The following GALNTL6 variants were observed in gnomAD, a reference collection of about 807,000 sequenced individuals.
The protein encoded by GALNTL6 is polypeptide N-acetylgalactosaminyltransferase like 6.
Under a neutral mutation model 73.7 loss-of-function variants are expected in GALNTL6, and 46 were observed. That is an observed-to-expected ratio of 0.62 (90% CI 0.49 to 0.80). The LOEUF (loss-of-function observed/expected upper bound fraction) is 0.80, where lower values mean the gene tolerates loss of function less well. Among genes scored for constraint, GALNTL6 ranks in the 30% least tolerant of loss-of-function variants. The probability of loss-of-function intolerance (pLI) is 0.00; values close to 1 mark genes in which losing one functional copy is unlikely to be tolerated. For missense variants in GALNTL6, 604 were observed against 755.0 expected, an observed-to-expected ratio of 0.80 and a Z score of 2.34; for synonymous variants, 259 against 263.7, an observed-to-expected ratio of 0.98 and a Z score of 0.17.
At chr4:172,295,063 A>G (rs1486925944) in intron 3 of GALNTL6, among the ~76,000 whole-genome samples, 1 of 152,168 alleles carries the variant, frequency 6.6e-6, no homozygotes, top group Non-Finnish European at 1.5e-5. Context: ...AATATTACAT[A>G]GTGCTTTCGT....
intron 2 of GALNTL6, among the ~76,000 whole-genome samples, chr4:172,117,055 T>C (rs1279332737): frequency 1.3e-5 from 2 of 152,174 alleles, no homozygotes; most frequent in Non-Finnish European, 2.9e-5. Context: ...TTTCTATTAG[T>C]GCACTGCCAC....
At chr4:172,353,660 A>C (rs1010759066) in intron 5 of GALNTL6, among the ~76,000 whole-genome samples, 1 of 151,928 alleles carries the variant, frequency 6.6e-6, no homozygotes, top group Non-Finnish European at 1.5e-5. Context: ...TTATAAATCT[A>C]TTTTGCTTTG....
intron 4 of GALNTL6, among the ~76,000 whole-genome samples, chr4:172,317,469 G>T (rs981182689): frequency 6.6e-6 from 1 of 152,120 alleles, no homozygotes; most frequent in African/African-American, 2.4e-5. Context: ...TGATCTTGTT[G>T]ATTCCCTTTT....
At chr4:172,481,914 G>A (rs1259620370) in intron 5 of GALNTL6, among the ~76,000 whole-genome samples, 1 of 152,222 alleles carries the variant, frequency 6.6e-6, no homozygotes, top group Non-Finnish European at 1.5e-5. Context: ...CAGTGGATGG[G>A]ACTGAGCGTC....
intron 7 of GALNTL6, among the ~76,000 whole-genome samples, chr4:172,875,524 G>A (rs528387453): frequency 5.6e-4 from 85 of 152,214 alleles, no homozygotes; most frequent in African/African-American, 2.0e-3. Flanking sequence ...TCTTTGAGGA[G>A]ATTTCTTCAA....
At chr4:172,065,919 TC>T (rs1478961193) in intron 2 of GALNTL6, among the ~76,000 whole-genome samples, 1 of 152,080 alleles carries the variant, frequency 6.6e-6, no homozygotes, top group Non-Finnish European at 1.5e-5. Context: ...TGGGGGAACC[TC>T]CCCCATAATT....
At chr4:171,819,658 A>G (rs565799253) in intron 2 of GALNTL6, among the ~76,000 whole-genome samples, 8 of 152,182 alleles carry the variant, frequency 5.3e-5, no homozygotes, top group Non-Finnish European at 7.4e-5. Flanking sequence ...ACATTTTTAT[A>G]CAAATGAAAG....
At chr4:173,003,356 C>G (rs973694749) in intron 10 of GALNTL6, among the ~76,000 whole-genome samples, 7 of 152,126 alleles carry the variant, frequency 4.6e-5, no homozygotes, top group Non-Finnish European at 1.0e-4. Flanking sequence ...TGAAGATTAA[C>G]CAGTGATACA....
At chr4:172,695,352 A>T (rs1215318564) in intron 5 of GALNTL6, among the ~76,000 whole-genome samples, 1 of 152,214 alleles carries the variant, frequency 6.6e-6, no homozygotes, top group East Asian at 1.9e-4. Context: ...TGTGTAACTG[A>T]TTCATTCATT....
At chr4:172,219,870 C>T (rs1736616209) in intron 2 of GALNTL6, among the ~76,000 whole-genome samples, 1 of 151,868 alleles carries the variant, frequency 6.6e-6, no homozygotes, top group Admixed American at 6.6e-5. Flanking sequence ...AAAGTATTGG[C>T]ACTTCTGCCT....
At chr4:171,984,925 G>A (rs13134578) in intron 2 of GALNTL6, among the ~76,000 whole-genome samples, 16,772 of 151,856 alleles carry the variant, frequency 0.11, 1,495 homozygotes, top group African/African-American at 0.24. Flanking sequence ...GGTCGAGGCA[G>A]GTAGATCACG....
At chr4:172,629,703 A>G (rs984960193) in intron 5 of GALNTL6, among the ~76,000 whole-genome samples, 2 of 152,208 alleles carry the variant, frequency 1.3e-5, no homozygotes, top group Non-Finnish European at 2.9e-5. Context: ...AAGATTGTTT[A>G]TGATCCCCAT....
At chr4:172,803,418 G>A (rs1157771317) in intron 5 of GALNTL6, among the ~76,000 whole-genome samples, 1 of 152,196 alleles carries the variant, frequency 6.6e-6, no homozygotes, top group Non-Finnish European at 1.5e-5. Flanking sequence ...GTGATCTGAG[G>A]TAAAATAGTC....
chr4:171,925,229 T>C (rs1467120397), intron 2 of GALNTL6, among the ~76,000 whole-genome samples: 1 of 152,146 alleles, frequency 6.6e-6, no homozygotes, highest in Non-Finnish European at 1.5e-5. Flanking sequence ...AGAACTCAAA[T>C]GCCTAGAAGG....
chr4:171,878,339 A>G (rs1736337303), intron 2 of GALNTL6, among the ~76,000 whole-genome samples: 1 of 152,178 alleles, frequency 6.6e-6, no homozygotes, highest in Admixed American at 6.5e-5. Flanking sequence ...CTATTTAGCT[A>G]CTTTTGTTTT....
chr4:172,992,018 T>C (rs1751564871), intron 10 of GALNTL6, among the ~76,000 whole-genome samples: 1 of 152,246 alleles, frequency 6.6e-6, no homozygotes, highest in Non-Finnish European at 1.5e-5. Context: ...CTTTTAGTTC[T>C]ATCTTCTCCT....
chr4:171,930,212 A>C (rs1158502155), intron 2 of GALNTL6, among the ~76,000 whole-genome samples: 2 of 152,238 alleles, frequency 1.3e-5, no homozygotes, highest in Non-Finnish European at 2.9e-5. Flanking sequence ...ATACATGCCC[A>C]GTCCAACAAT....
At chr4:172,161,734 G>C (rs769787594) in intron 2 of GALNTL6, among the ~76,000 whole-genome samples, 3 of 151,976 alleles carry the variant, frequency 2.0e-5, no homozygotes, top group Non-Finnish European at 4.4e-5. Context: ...CATAGAAGCT[G>C]GTAATCATCA....
intron 5 of GALNTL6, among the ~76,000 whole-genome samples, chr4:172,366,587 G>A (rs1742572738): frequency 6.6e-6 from 1 of 152,110 alleles, no homozygotes; most frequent in Non-Finnish European, 1.5e-5. Context: ...CATCCTTGTA[G>A]TAAGATCAAC....
Sources: allele counts gnomAD v4.1 joint callset (sites outside exome capture counted in the v4.1 genomes callset), GRCh38; gene constraint gnomAD v4.1.1; transcripts MANE v1.5; gene names NCBI Gene and HGNC (gene_info 2026-07-23, HGNC 2026-07-21).